SYNE1: variants seen among roughly 807,000 people sequenced by gnomAD.
The protein encoded by SYNE1 is nesprin-1.
In SYNE1, 616 loss-of-function variants were observed where a neutral mutation model predicts 1,111.0. That is an observed-to-expected ratio of 0.55 (90% CI 0.52 to 0.59). The LOEUF is 0.59. Ranked by LOEUF, SYNE1 falls within the 20% of genes least tolerant of loss-of-function variation. SYNE1 has a pLI of 0.00. For synonymous variants in SYNE1, 3,855 were observed against 3,825.8 expected, an observed-to-expected ratio of 1.01 and a Z score of -0.28; for missense variants, 10,006 against 10,417.0, an observed-to-expected ratio of 0.96 and a Z score of 1.72.
chr6:152,255,802 A>G (rs1468384237), intron 102 of SYNE1, 56 bp from the exon 103 acceptor site: 1 of 1,600,726 alleles, frequency 6.2e-7, no homozygotes. Context: ...AAAATCCAGG[A>G]AAAATATCAG....
chr6:152,521,612 G>GCATTTCCCTGAT (rs1425952074), intron 5 of SYNE1, among the ~76,000 whole-genome samples: 8 of 152,112 alleles, frequency 5.3e-5, no homozygotes, highest in Non-Finnish European at 7.4e-5. Context: ...TCCCTGATCA[G>GCATTTCCCTGAT]CAGCAATGGG....
At chr6:152,597,519 T>C (rs549608624) in intron 3 of SYNE1, among the ~76,000 whole-genome samples, 1 of 152,300 alleles carries the variant, frequency 6.6e-6, no homozygotes, top group African/African-American at 2.4e-5. Context: ...ACTCTTGGCC[T>C]CAAGTGATCC....
chr6:152,492,342 C>G (rs955336801), intron 11 of SYNE1, among the ~76,000 whole-genome samples: 1 of 152,204 alleles, frequency 6.6e-6, no homozygotes, highest in Admixed American at 6.5e-5. Flanking sequence ...GTCAGCCAAG[C>G]GGCAACTTAT....
chr6:152,153,068 A>T (rs2152927170), intron 133 of SYNE1, among the ~76,000 whole-genome samples: 1 of 152,310 alleles, frequency 6.6e-6, no homozygotes, highest in East Asian at 1.9e-4. Flanking sequence ...ATAATTAATA[A>T]ATTGAACCGC....
At chr6:152,301,363 T>C (rs947202547) in intron 92 of SYNE1, among the ~76,000 whole-genome samples, 1 of 152,212 alleles carries the variant, frequency 6.6e-6, no homozygotes, top group African/African-American at 2.4e-5. Context: ...CAAAGTTGAT[T>C]TATTTTAATC....
At position 152,308,481 on chromosome 6, in the gene SYNE1, C is replaced by T; in HGVS notation, c.17346+8G>A. ...CTGCCCTCGGTATTTCGCCTACATT[C>T]CTCTCACCTCATGCCGAGAAATCTG... On this transcript the variant is annotated splice_region_variant and intron_variant, in intron 91 of 145. Coordinates refer to ENST00000367255, the MANE Select transcript of SYNE1 (RefSeq NM_182961.4). The T allele has an allele frequency of 6.2e-7, 1 of 1,614,072 alleles. No homozygotes were observed. The highest frequency in any genetic ancestry group is 8.5e-7 in the Non-Finnish European group (1 of 1,180,016).
At chr6:152,575,080 C>T (rs1042998044) in intron 3 of SYNE1, among the ~76,000 whole-genome samples, 2 of 152,162 alleles carry the variant, frequency 1.3e-5, no homozygotes, top group African/African-American at 4.8e-5. Flanking sequence ...GCTATAATCC[C>T]ATCCCTGAAT....
intron 103 of SYNE1, 138 bp downstream of exon 103, chr6:152,255,453 T>C: frequency 9.7e-7 from 1 of 1,033,082 alleles, no homozygotes; most frequent in Non-Finnish European, 1.5e-6. Flanking sequence ...ATAAATATTC[T>C]GCATTTAAGC....
chr6:152,560,801 T>C (rs1268437836), intron 3 of SYNE1, among the ~76,000 whole-genome samples: 3 of 152,046 alleles, frequency 2.0e-5, no homozygotes, highest in Non-Finnish European at 4.4e-5. Context: ...AATAATAGAA[T>C]GAAAGATAAA....
chr6:152,206,328 C>T lies in SYNE1; in HGVS notation c.22859G>A (p.Ser7620Asn). 3 of 1,614,026 alleles carry T rather than the reference C, an allele frequency of 1.9e-6. No individual in the cohort carries two copies. The highest frequency in any genetic ancestry group is 1.3e-5 in the African/African-American group (1 of 75,060). The change falls in exon 126 of 146, where the codon AGC becomes AAC. Residue 7620 changes from serine to asparagine, a missense_variant. Transcript: ENST00000367255. Reference protein sequence around the residue: ...KEKVFLRQQGSYILTVEAGKQ... With the variant: ...KEKVFLRQQGNYILTVEAGKQ... ...GCCAGCCTCCACAGTCAGGATGTAG[C>T]TGCCTTGTTGCCGCAGAAACACTTT...
At chr6:152,483,027 CCTCTCCAGA>C in intron 14 of SYNE1, 49 bp downstream of exon 14, 1 of 1,604,080 alleles carries the variant, frequency 6.2e-7, no homozygotes, top group Non-Finnish European at 8.5e-7. Context: ...AACTAGGCTA[CCTCTCCAGA>C]CCACAGTAGG....
At chr6:152,176,046 A>G (rs1439691863) in intron 130 of SYNE1, among the ~76,000 whole-genome samples, 1 of 151,716 alleles carries the variant, frequency 6.6e-6, no homozygotes, top group African/African-American at 2.4e-5. Context: ...ACTGCAGACA[A>G]AAACACTCTC....
rs775968449 is a variant in SYNE1 at position 152,358,482 on chromosome 6, T to C, written c.10499A>G (p.Asp3500Gly). ...LVRLHQEYQRDLKAFEVWLGQ... is the reference protein window; with the variant it reads ...LVRLHQEYQRGLKAFEVWLGQ... ...CAACCAAACTTCAAATGCCTTTAGG[T>C]CTCTCTGATACTCTTGGTGCAGGCG... Residue 3500 changes from aspartate to glycine, a missense_variant, in exon 66 of 146, where the codon GAC becomes GGC. Coordinates refer to ENST00000367255, the MANE Select transcript of SYNE1 (RefSeq NM_182961.4). 2.5e-6 allele frequency: 4 copies of C among 1,614,166 alleles called. No individual in the cohort carries two copies. The highest frequency in any genetic ancestry group is 3.4e-6 in the Non-Finnish European group (4 of 1,180,022).
chr6:152,581,896 C>A (rs535646565), intron 3 of SYNE1, among the ~76,000 whole-genome samples: 1 of 152,180 alleles, frequency 6.6e-6, no homozygotes, highest in Admixed American at 6.5e-5. Context: ...TTCTTGTGAA[C>A]ACTAGATTAA....
At chr6:152,595,545 G>A (rs1242640671) in intron 3 of SYNE1, among the ~76,000 whole-genome samples, 1 of 152,178 alleles carries the variant, frequency 6.6e-6, no homozygotes, top group African/African-American at 2.4e-5. Flanking sequence ...TAAATAGTAG[G>A]TGAATGAATA....
intron 3 of SYNE1, among the ~76,000 whole-genome samples, chr6:152,620,784 T>C (rs1237161373): frequency 6.6e-6 from 1 of 152,204 alleles, no homozygotes; most frequent in Non-Finnish European, 1.5e-5. Context: ...ACTATTTATA[T>C]TATATGCACT....
intron 115 of SYNE1, among the ~76,000 whole-genome samples, chr6:152,229,805 T>C (rs1299783780): frequency 3.9e-5 from 6 of 152,194 alleles, no homozygotes; most frequent in Non-Finnish European, 8.8e-5. Context: ...TGCATCCTTA[T>C]TTTGAATAAG....
intron 56 of SYNE1, among the ~76,000 whole-genome samples, chr6:152,378,169 C>T (rs2097330531): frequency 6.6e-6 from 1 of 152,044 alleles, no homozygotes; most frequent in Admixed American, 6.5e-5. Context: ...GAATGACTCC[C>T]AAATATGTAA....
chr6:152,403,775 T>C (rs180808495), intron 46 of SYNE1, among the ~76,000 whole-genome samples: 33 of 152,112 alleles, frequency 2.2e-4, no homozygotes, highest in Admixed American at 6.5e-4. Context: ...GGGGGTTCTG[T>C]TCCTGTCTAG....
Sources: allele counts gnomAD v4.1 joint callset (sites outside exome capture counted in the v4.1 genomes callset), GRCh38; gene constraint gnomAD v4.1.1; transcripts MANE v1.5; gene names NCBI Gene and HGNC (gene_info 2026-07-23, HGNC 2026-07-21).